LIMS1: variants seen among roughly 807,000 people sequenced by gnomAD.
The protein encoded by LIMS1 is LIM zinc finger domain containing 1, also known as LIM and senescent cell antigen-like-containing domain protein 1.
Under a neutral mutation model 44.1 loss-of-function variants are expected in LIMS1, and 18 were observed. The observed-to-expected ratio is 0.41, with a 90% CI of 0.28 to 0.61. LIMS1 has a LOEUF of 0.61. LIMS1 is among the 20% of genes least tolerant of loss of function. The pLI is 0.32. For synonymous variants in LIMS1, 93 were observed against 149.1 expected (o/e 0.62, Z 2.74); for missense variants, 201 against 422.0 (o/e 0.48, Z 4.59).
intron 1 of LIMS1, among the ~76,000 whole-genome samples, chr2:108,631,550 C>CTTTTTTTTTTTTTTTTTTTTTTT (rs67517304): frequency 7.0e-6 from 1 of 143,068 alleles, no homozygotes. Context: ...ACCGTGTTGC[C>CTTTTTTTTTTTTTTTTTTTTTTT]TTTTTTTTTT....
intron 2 of LIMS1, among the ~76,000 whole-genome samples, chr2:108,665,718 G>A (rs1407762015): frequency 2.0e-5 from 3 of 151,710 alleles, no homozygotes; most frequent in African/African-American, 7.3e-5. Flanking sequence ...GTAGAGACAG[G>A]TTTCACCATG....
At chr2:108,551,927 ATATGTG>A (rs1156713054) in intron 1 of LIMS1, among the ~76,000 whole-genome samples, 1 of 105,994 alleles carries the variant, frequency 9.4e-6, no homozygotes, top group African/African-American at 3.3e-5. Flanking sequence ...ATATGTGTAT[ATATGTG>A]TGTGTGTGTG....
chr2:108,588,240 C>T, intron 1 of LIMS1: 2 of 624,748 alleles, frequency 3.2e-6, no homozygotes, highest in Non-Finnish European at 4.0e-6. Flanking sequence ...TCGTGTAACA[C>T]ACCATGTCAC....
chr2:108,596,906 G>A (rs1573402301), intron 1 of LIMS1, among the ~76,000 whole-genome samples: 2 of 142,904 alleles, frequency 1.4e-5, no homozygotes, highest in South Asian at 4.5e-4. Flanking sequence ...ATTTCCCTAC[G>A]AAACATCTGT....
intron 1 of LIMS1, among the ~76,000 whole-genome samples, chr2:108,587,169 C>T (rs1424529237): frequency 1.3e-5 from 2 of 152,232 alleles, no homozygotes; most frequent in Non-Finnish European, 2.9e-5. Flanking sequence ...AAACCCTTCC[C>T]TGTAAATAGT....
chr2:108,648,152 G>A (rs1419972488), intron 1 of LIMS1, among the ~76,000 whole-genome samples: 1 of 152,066 alleles, frequency 6.6e-6, no homozygotes, highest in Non-Finnish European at 1.5e-5. Context: ...AAAATCACAG[G>A]CATTCCTATA....
intron 1 of LIMS1, among the ~76,000 whole-genome samples, chr2:108,543,932 A>G (rs1344574070): frequency 6.6e-6 from 1 of 151,884 alleles, no homozygotes; most frequent in East Asian, 1.9e-4. Context: ...AGTCCCAGCT[A>G]CTCAGGAGGC....
intron 1 of LIMS1, among the ~76,000 whole-genome samples, chr2:108,613,253 T>A (rs1332042989): frequency 6.6e-6 from 1 of 152,232 alleles, no homozygotes. Context: ...CAAACATTTT[T>A]ATGTCCTAGC....
chr2:108,605,173 A>G (rs1687208178), intron 1 of LIMS1, among the ~76,000 whole-genome samples: 1 of 152,050 alleles, frequency 6.6e-6, no homozygotes, highest in Admixed American at 6.6e-5. Context: ...TTGTAACAGC[A>G]CTCATGACAC....
At chr2:108,650,359 C>A (rs1690379410) in intron 1 of LIMS1, among the ~76,000 whole-genome samples, 1 of 151,804 alleles carries the variant, frequency 6.6e-6, no homozygotes, top group Non-Finnish European at 1.5e-5. Flanking sequence ...AGATAAGTGA[C>A]TGCAGGTAGT....
At chr2:108,567,988 C>T (rs900743369) in intron 1 of LIMS1, among the ~76,000 whole-genome samples, 2 of 152,230 alleles carry the variant, frequency 1.3e-5, no homozygotes, top group African/African-American at 4.8e-5. Context: ...CTGTCACTCA[C>T]TGATTCACCA....
intron 1 of LIMS1, among the ~76,000 whole-genome samples, chr2:108,639,416 CATTT>C (rs1365113933): frequency 1.3e-5 from 2 of 152,202 alleles, no homozygotes; most frequent in East Asian, 1.9e-4. Flanking sequence ...AACAACCCTG[CATTT>C]ATTTAAGATC....
chr2:108,538,836 A>C (rs1281569036), intron 1 of LIMS1, among the ~76,000 whole-genome samples: 1 of 152,212 alleles, frequency 6.6e-6, no homozygotes, highest in Non-Finnish European at 1.5e-5. Context: ...CATCTTCCCA[A>C]ACTGAAACTC....
At chr2:108,638,158 T>C (rs978884605) in intron 1 of LIMS1, among the ~76,000 whole-genome samples, 1 of 152,216 alleles carries the variant, frequency 6.6e-6, no homozygotes, top group Non-Finnish European at 1.5e-5. Context: ...AGAATGTTTT[T>C]AAATTGACTA....
At chr2:108,571,829 A>G (rs1205849733) in intron 1 of LIMS1, among the ~76,000 whole-genome samples, 1 of 152,168 alleles carries the variant, frequency 6.6e-6, no homozygotes, top group Non-Finnish European at 1.5e-5. Context: ...TATTGAGGAA[A>G]ACTGTTCAAT....
rs894215395 is a variant in LIMS1, at chr2:108,590,132, G to A, written c.32+55538G>A. 1.6e-4 allele frequency among the ~76,000 whole-genome samples: 25 copies of A among 152,316 alleles called. 1 individual carries two copies. The highest frequency in any genetic ancestry group is 6.5e-5 in the Admixed American group (1 of 15,302). On this transcript the variant is annotated intron_variant, in intron 1 of 9. Transcript: ENST00000544547. ...TGCCTTATACAGTGGACTTCCTAGA[G>A]ATTTAAATGTATTTGCAAAAGCATT...
At chr2:108,609,047 G>C (rs377523295) in intron 1 of LIMS1, among the ~76,000 whole-genome samples, 9 of 152,168 alleles carry the variant, frequency 5.9e-5, no homozygotes, top group Admixed American at 5.9e-4. Flanking sequence ...CTGAGGTGGC[G>C]TCTTTCTGAA....
chr2:108,592,047 G>A (rs939283538), intron 1 of LIMS1, among the ~76,000 whole-genome samples: 1 of 151,998 alleles, frequency 6.6e-6, no homozygotes, highest in Admixed American at 6.5e-5. Context: ...CACGTGCCTC[G>A]GCCTCCCAAA....
At chr2:108,578,353 C>T (rs1287030975) in intron 1 of LIMS1, among the ~76,000 whole-genome samples, 1 of 152,094 alleles carries the variant, frequency 6.6e-6, no homozygotes, top group African/African-American at 2.4e-5. Context: ...TATTTTTAAT[C>T]TCTACATCCT....
Sources: allele counts gnomAD v4.1 joint callset (sites outside exome capture counted in the v4.1 genomes callset), GRCh38; gene constraint gnomAD v4.1.1; transcripts MANE v1.5; gene names NCBI Gene and HGNC (gene_info 2026-07-23, HGNC 2026-07-21).